Variants in TAF15 observed in about 807,000 individuals in gnomAD.
TAF15 encodes the protein TATA-box binding protein associated factor 15.
In TAF15, 37 loss-of-function variants were observed where a neutral mutation model predicts 102.5. The ratio of observed to expected loss-of-function variants is 0.36; its 90% CI spans 0.28 to 0.47. TAF15 has a LOEUF of 0.47. Ranked by LOEUF, TAF15 falls within the 20% of genes least tolerant of loss-of-function variation. The pLI is 0.99. For synonymous variants in TAF15, 273 were observed against 259.2 expected (o/e 1.05, Z -0.51); for missense variants, 652 against 760.7 (o/e 0.86, Z 1.68).
At chr17:35,843,649 C>T (rs773158909) in intron 12 of TAF15, among the ~76,000 whole-genome samples, 6 of 151,960 alleles carry the variant, frequency 3.9e-5, no homozygotes, top group Non-Finnish European at 7.4e-5. Flanking sequence ...CTTTGAGCAC[C>T]GACATAATGC....
In TAF15 at chr17:35,844,932, C is replaced by T. The variant is rs771376087; in HGVS notation, c.1633C>T (p.Arg545Ter). The T allele has an allele frequency of 1.9e-6, 3 of 1,591,352 alleles. No homozygotes were observed. The highest frequency in any genetic ancestry group is 2.3e-5 in the East Asian group (1 of 43,532). Residue 545 changes from arginine (R) to a stop codon, truncating the protein, a stop_gained, in exon 15 of 16, where the codon CGA (arginine) becomes TGA (stop). Transcript: ENST00000605844. LOFTEE classifies it high-confidence loss of function. ...RGGGSGYGGD[R>*]SGGYGGDRSG... is the part of the protein sequence containing the mutation. ...TGGTGGCAGTGGCTACGGTGGAGAC[C>T]GAAGTGGAGGCTATGGAGGAGACAG...
At chr17:35,834,139 C>G (rs1352358075) in intron 8 of TAF15, 198 bp downstream of exon 8, 1 of 367,854 alleles carries the variant, frequency 2.7e-6, no homozygotes, top group African/African-American at 2.1e-5. Flanking sequence ...CAAAGTTGAT[C>G]TCAAAACAGT....
intron 1 of TAF15, 67 bp from the exon 2 acceptor site, chr17:35,817,649 G>A: frequency 7.0e-7 from 1 of 1,422,392 alleles, no homozygotes; most frequent in Non-Finnish European, 9.9e-7. Flanking sequence ...TTCTGTATGA[G>A]CTAAAGTCAG....
chr17:35,832,479 A>T (rs1464716023), intron 7 of TAF15, among the ~76,000 whole-genome samples: 1 of 152,078 alleles, frequency 6.6e-6, no homozygotes, highest in African/African-American at 2.4e-5. Flanking sequence ...TTTTTTTCAG[A>T]GTGTTTTATC....
At chr17:35,836,908 G>T (rs1598544218) in intron 10 of TAF15, among the ~76,000 whole-genome samples, 1 of 151,908 alleles carries the variant, frequency 6.6e-6, no homozygotes, top group African/African-American at 2.4e-5. Context: ...CTCTTGAGTA[G>T]CTGGGACTAC....
chr17:35,844,760 A>AGGAGACCGAGGTGGAGGCTATGGT lies in TAF15; in HGVS notation c.1473_1496dup (p.Gly493_Gly500dup). Reference sequence around the variant, plus strand: ...ATGGAGGAGATCGAGGTGGCTATGGAGGAGACCGAGGTGGAGGCTATGGTG... The same window carrying AGGAGACCGAGGTGGAGGCTATGGT: ...ATGGAGGAGATCGAGGTGGCTATGGAGGAGACCGAGGTGGAGGCTATGGTGGAGACCGAGGTGGAGGCTATGGTG... On this transcript the variant is annotated inframe_insertion, in exon 15 of 16. Transcript: ENST00000605844. 1 of 1,611,666 alleles carries AGGAGACCGAGGTGGAGGCTATGGT rather than the reference A, an allele frequency of 6.2e-7. No homozygotes were observed. Among genetic ancestry groups the AGGAGACCGAGGTGGAGGCTATGGT allele is most frequent in the Non-Finnish European group, 8.5e-7 (1 of 1,179,012 alleles).
chr17:35,830,143 GAA>G (rs757913008), intron 7 of TAF15: 4 of 138,094 alleles, frequency 2.9e-5, no homozygotes, highest in Non-Finnish European at 4.7e-5. Flanking sequence ...TCTTGTCTCA[GAA>G]AAAAAAAAAA....
intron 7 of TAF15, among the ~76,000 whole-genome samples, chr17:35,824,752 G>A (rs913550999): frequency 3.3e-5 from 5 of 152,156 alleles, no homozygotes; most frequent in African/African-American, 1.2e-4. Flanking sequence ...ACATAGTAAT[G>A]TGTATTTTGT....
At chr17:35,842,919 G>A (rs1259600019) in intron 12 of TAF15, among the ~76,000 whole-genome samples, 2 of 151,552 alleles carry the variant, frequency 1.3e-5, no homozygotes, top group Non-Finnish European at 1.5e-5. Context: ...TTTTAATAGA[G>A]ATGATTTCAC....
At chr17:35,841,424 A>C (rs1199989674) in intron 11 of TAF15, among the ~76,000 whole-genome samples, 1 of 152,010 alleles carries the variant, frequency 6.6e-6, no homozygotes, top group Non-Finnish European at 1.5e-5. Context: ...AATATTAGAT[A>C]CAGGTTTTAG....
Position 35,824,125 on chromosome 17 carries a change from G to A in TAF15, c.532G>A (p.Gly178Ser), listed in dbSNP as rs1231393292. 3.1e-6 allele frequency: 5 copies of A among 1,614,070 alleles called. No homozygotes were observed. Among genetic ancestry groups the A allele is most frequent in the Non-Finnish European group, 4.2e-6 (5 of 1,180,018 alleles). ...GTATGGAGAAGATAATAGAGGATAT[G>A]GCGGGTCACAGGGAGGAGGTAGAGG... ...SRYGEDNRGY[G>S]GSQGGGRGRG... Residue 178 changes from glycine (G) to serine (S), a missense_variant, in exon 7 of 16, where the codon GGC (glycine) becomes AGC (serine). Physicochemically the swap from Gly to Ser is moderately conservative, Grantham distance 56 (BLOSUM62 0). Coordinates refer to ENST00000605844, the MANE Select transcript of TAF15 (RefSeq NM_139215.3).
At chr17:35,842,269 ACTC>A in intron 11 of TAF15, 95 bp from the exon 12 acceptor site, 1 of 852,278 alleles carries the variant, frequency 1.2e-6, no homozygotes, top group Non-Finnish European at 1.9e-6. Flanking sequence ...CATGTCAGTT[ACTC>A]CTCTGAAACT....
At chr17:35,809,722 T>G in intron 1 of TAF15, 146 bp downstream of exon 1, 1 of 1,116,286 alleles carries the variant, frequency 9.0e-7, no homozygotes, top group Non-Finnish European at 1.3e-6. Context: ...GCCGCCGCCA[T>G]GTTGAACTGG....
rs370258459 is a variant in TAF15 at position 35,821,592 on chromosome 17, T to TC, written c.291-1040dup. Among the ~76,000 whole-genome samples the TC allele has an allele frequency of 7.1e-3, 1,081 of 151,308 alleles. 18 individuals carry two copies. Among genetic ancestry groups the TC allele is most frequent in the Admixed American group, 0.029 (445 of 15,184 alleles). On this transcript the variant is annotated intron_variant, in intron 5 of 15. Transcript: ENST00000605844. ...CTATTAAGTTATGAGATCTTTTTTGTCCCCCCCCAGCCCATTTTTATAATA... is the reference window on the plus strand; with the variant it reads ...CTATTAAGTTATGAGATCTTTTTTGTCCCCCCCCCAGCCCATTTTTATAATA...
intron 1 of TAF15, chr17:35,811,430 CAATT>C (rs1224359675): frequency 1.3e-5 from 2 of 152,260 alleles, no homozygotes; most frequent in Non-Finnish European, 2.9e-5. Context: ...AATTAACATT[CAATT>C]AATTAAAGCT....
chr17:35,817,447 A>G (rs1486910100), intron 1 of TAF15: 3 of 446,504 alleles, frequency 6.7e-6, no homozygotes, highest in South Asian at 5.4e-5. Context: ...GAGTCTGTTT[A>G]AAGAATGGAT....
At position 35,822,765 on chromosome 17, in the gene TAF15, A is replaced by T. The variant is rs765336144; in HGVS notation, c.416A>T (p.His139Leu). ...YDEQSNYDQQ[H>L]DSYSQNQQSY... ...GAGCAGTCAAATTATGATCAGCAGC[A>T]TGATTCCTATAGTCAAAACCAGCAG... The change falls in exon 6 of 16, where the codon CAT (histidine) becomes CTT (leucine). Residue 139 changes from histidine (H) to leucine (L), a missense_variant. His to Leu is a moderately conservative substitution (Grantham distance 99). Coordinates refer to ENST00000605844, the MANE Select transcript of TAF15 (RefSeq NM_139215.3). 3.7e-6 allele frequency: 6 copies of T among 1,614,200 alleles called. No homozygotes were observed. The South Asian group carries it at 5.5e-5, about 15-fold the overall frequency.
intron 1 of TAF15, chr17:35,810,726 C>T (rs145292942): frequency 6.6e-6 from 1 of 152,256 alleles, no homozygotes; most frequent in East Asian, 1.9e-4. Flanking sequence ...CCCAGGTACC[C>T]GGTCTTGCAG....
rs568692890 is a variant in TAF15 at position 35,834,342 on chromosome 17, A to C, written c.641-224A>C. ...GATACTAGCATAATGCTAAAGTGGC[A>C]GGTGCTGTCTAGGACAAGTTAAAGG... is the stretch of plus-strand genomic sequence containing the variant. On this transcript the variant is annotated intron_variant, in intron 8 of 15. Coordinates refer to ENST00000605844, the MANE Select transcript of TAF15 (RefSeq NM_139215.3). 47 of 531,092 alleles carry C rather than the reference A, an allele frequency of 8.8e-5. No homozygotes were observed. The South Asian group carries it at 1.2e-3, about 14-fold the overall frequency. The allele number at this position is 531,092 out of a possible 1,614,324, so 32.9% of individuals were successfully genotyped here. A position where few individuals can be genotyped will look rare whatever the true frequency, so the allele number is the denominator to read the frequency against.
Sources: allele counts gnomAD v4.1 joint callset (sites outside exome capture counted in the v4.1 genomes callset), GRCh38; gene constraint gnomAD v4.1.1; transcripts MANE v1.5; gene names NCBI Gene and HGNC (gene_info 2026-07-23, HGNC 2026-07-21).